Variants in BBS9 observed in about 807,000 individuals in gnomAD.
BBS9 encodes Bardet-Biedl syndrome 9.
Under a neutral mutation model 117.7 loss-of-function variants are expected in BBS9, and 89 were observed. The ratio of observed to expected loss-of-function variants is 0.76; its 90% CI spans 0.64 to 0.90. The LOEUF (loss-of-function observed/expected upper bound fraction) is 0.90, where lower values mean the gene tolerates loss of function less well. Ranked by LOEUF, BBS9 falls within the 40% of genes least tolerant of loss-of-function variation. BBS9 has a pLI of 0.00. For missense variants in BBS9, 982 were observed against 1,042.2 expected, an observed-to-expected ratio of 0.94 and a Z score of 0.80; for synonymous variants, 379 against 370.9, an observed-to-expected ratio of 1.02 and a Z score of -0.25.
chr7:33,487,253 G>A (rs888373429), intron 19 of BBS9, among the ~76,000 whole-genome samples: 1 of 152,136 alleles, frequency 6.6e-6, no homozygotes, highest in Non-Finnish European at 1.5e-5. Context: ...TGTTCCAAAT[G>A]CTATGGGGTT....
At chr7:33,219,231 T>A (rs552411770) in intron 5 of BBS9, among the ~76,000 whole-genome samples, 65 of 152,320 alleles carry the variant, frequency 4.3e-4, no homozygotes, top group African/African-American at 1.5e-3. Context: ...GCTCGCGACC[T>A]GCAGCCCGCC....
At chr7:33,330,782 A>C (rs1813865747) in intron 9 of BBS9, among the ~76,000 whole-genome samples, 2 of 152,204 alleles carry the variant, frequency 1.3e-5, no homozygotes, top group Admixed American at 1.3e-4. Context: ...CTGATTCTTC[A>C]TAAAGTACAT....
intron 5 of BBS9, among the ~76,000 whole-genome samples, chr7:33,200,594 C>T (rs1433178219): frequency 6.6e-6 from 1 of 152,094 alleles, no homozygotes; most frequent in Non-Finnish European, 1.5e-5. Flanking sequence ...ATTTATATTG[C>T]CTTACAATTC....
chr7:33,318,333 G>A (rs146735757), intron 9 of BBS9, among the ~76,000 whole-genome samples: 1 of 152,036 alleles, frequency 6.6e-6, no homozygotes, highest in African/African-American at 2.4e-5. Flanking sequence ...ACATATATTG[G>A]TCCTTCTTGA....
chr7:33,513,087 C>T (rs73688889), intron 20 of BBS9, among the ~76,000 whole-genome samples: 2,177 of 152,266 alleles, frequency 0.014, 61 homozygotes, highest in African/African-American at 0.05. Flanking sequence ...TCACTTGGCT[C>T]TACCATATCT....
intron 2 of BBS9, among the ~76,000 whole-genome samples, chr7:33,150,900 A>C (rs1335612805): frequency 6.6e-6 from 1 of 152,196 alleles, no homozygotes; most frequent in Admixed American, 6.5e-5. Flanking sequence ...ACTTGAGTTT[A>C]GTCAGGAGTC....
At chr7:33,207,565 A>G (rs1291026933) in intron 5 of BBS9, among the ~76,000 whole-genome samples, 1 of 137,466 alleles carries the variant, frequency 7.3e-6, no homozygotes, top group African/African-American at 2.7e-5. Flanking sequence ...GCATTTCTTT[A>G]CTTTCTAGCA....
At chr7:33,461,362 T>C (rs1839441917) in intron 19 of BBS9, among the ~76,000 whole-genome samples, 1 of 152,038 alleles carries the variant, frequency 6.6e-6, no homozygotes, top group Admixed American at 6.6e-5. Flanking sequence ...TTTATGTTCA[T>C]TATCAAAATC....
At chr7:33,256,341 T>A (rs1175194946) in intron 5 of BBS9, among the ~76,000 whole-genome samples, 1 of 152,226 alleles carries the variant, frequency 6.6e-6, no homozygotes, top group Non-Finnish European at 1.5e-5. Flanking sequence ...AGATGTATGT[T>A]TAGTGAACAT....
At chr7:33,610,160 A>G (rs968558100), downstream of BBS9, among the ~76,000 whole-genome samples, 26 of 152,074 alleles carry the variant, frequency 1.7e-4, no homozygotes, top group Non-Finnish European at 1.5e-5. Context: ...CGAGCGAGAT[A>G]GAGAGAGAGA....
At chr7:33,280,477 A>G (rs985381980) in intron 9 of BBS9, among the ~76,000 whole-genome samples, 17 of 152,126 alleles carry the variant, frequency 1.1e-4, no homozygotes, top group African/African-American at 4.1e-4. Context: ...TCATGTTTCT[A>G]TTTCGAGACA....
rs1826376756 is a variant in BBS9, at chr7:33,388,160, G to GT, written c.2115+17dup. On this transcript the variant is annotated intron_variant, in intron 19 of 22. Transcript: ENST00000242067. ...CTACAAGCAGGTCAGTATAATATCA[G>GT]TAACAGTTTTCTATTACTGGCTATA... is the stretch of plus-strand genomic sequence containing the variant. The GT allele has an allele frequency of 1.2e-6, 2 of 1,613,424 alleles. No individual in the cohort carries two copies. The highest frequency in any genetic ancestry group is 2.7e-5 in the African/African-American group (2 of 75,020).
At chr7:33,531,784 C>A (rs1217132028) in intron 20 of BBS9, among the ~76,000 whole-genome samples, 1 of 152,124 alleles carries the variant, frequency 6.6e-6, no homozygotes, top group Non-Finnish European at 1.5e-5. Flanking sequence ...TACACATGTC[C>A]CTGAAAGGAG....
chr7:33,193,791 G>A (rs186520207), intron 5 of BBS9, among the ~76,000 whole-genome samples: 28 of 152,264 alleles, frequency 1.8e-4, no homozygotes, highest in African/African-American at 5.5e-4. Flanking sequence ...TGGTTGGTCT[G>A]TAACCTGTTA....
chr7:33,493,718 T>A (rs1279289938), intron 19 of BBS9, among the ~76,000 whole-genome samples: 1 of 152,110 alleles, frequency 6.6e-6, no homozygotes, highest in Non-Finnish European at 1.5e-5. Context: ...GTAATGGACG[T>A]CAAGTAGCTA....
intron 4 of BBS9, among the ~76,000 whole-genome samples, chr7:33,170,800 A>T (rs1376144967): frequency 2.6e-5 from 4 of 151,494 alleles, no homozygotes; most frequent in Non-Finnish European, 5.9e-5. Context: ...GCATTCTTAT[A>T]CACCAACAAC....
chr7:33,348,283 A>G (rs565225595), intron 12 of BBS9, among the ~76,000 whole-genome samples: 223 of 152,252 alleles, frequency 1.5e-3, no homozygotes, highest in African/African-American at 5.1e-3. Context: ...ACTTAGCATC[A>G]TGTTTTCAAG....
chr7:33,136,966 T>C (rs1790578151), intron 1 of BBS9, among the ~76,000 whole-genome samples: 1 of 152,126 alleles, frequency 6.6e-6, no homozygotes. Flanking sequence ...TTGTGGATAG[T>C]TTTTTGATTA....
chr7:33,360,680 C>T (rs532180445), intron 16 of BBS9, among the ~76,000 whole-genome samples: 1 of 151,654 alleles, frequency 6.6e-6, no homozygotes, highest in South Asian at 2.1e-4. Flanking sequence ...ACCACCATGC[C>T]TAGCTAATTA....
Sources: gnomAD v4.1 joint callset for allele counts (sites outside exome capture counted in the v4.1 genomes callset) on GRCh38, gnomAD v4.1.1 for gene constraint, MANE v1.5 for transcripts, NCBI Gene and HGNC (gene_info 2026-07-23, HGNC 2026-07-21) for gene names.